The following MTPAP variants were observed in gnomAD, a reference collection of about 807,000 sequenced individuals.
MTPAP encodes the protein poly(A) RNA polymerase, mitochondrial.
Under a neutral mutation model 48.7 loss-of-function variants are expected in MTPAP, and 23 were observed. The observed-to-expected ratio is 0.47, with a 90% CI of 0.34 to 0.67. The LOEUF (loss-of-function observed/expected upper bound fraction) is 0.67. MTPAP is among the 30% of genes least tolerant of loss of function. The pLI is 0.01. For synonymous variants in MTPAP, 257 were observed against 254.1 expected (o/e 1.01, Z -0.11); for missense variants, 614 against 694.3 (o/e 0.88, Z 1.30).
intron 4 of MTPAP, among the ~76,000 whole-genome samples, chr10:30,327,231 T>C (rs112239525): frequency 0.079 from 12,055 of 151,724 alleles, 1,578 homozygotes; most frequent in African/African-American, 0.27. Context: ...CTCACGTCTG[T>C]AATCCTAGCA....
chr10:30,319,059 G>C (rs1588712480), intron 6 of MTPAP, among the ~76,000 whole-genome samples: 1 of 148,016 alleles, frequency 6.8e-6, no homozygotes, highest in East Asian at 1.9e-4. Context: ...AAAAAAGCGG[G>C]GTGGCTGGGA....
chr10:30,313,629 T>A lies in MTPAP; in HGVS notation c.1729A>T (p.Thr577Ser), dbSNP rs1331593058. 1 of 1,614,224 alleles carries A rather than the reference T, an allele frequency of 6.2e-7. No homozygotes were observed. Among genetic ancestry groups the A allele is most frequent in the East Asian group, 2.2e-5 (1 of 44,894 alleles). Residue 577 changes from threonine to serine, a missense_variant, in exon 9 of 9, where the codon ACA becomes TCA. Around this residue, in one of 5 missense-constraint regions of MTPAP, gnomAD observed 109 missense variants for 100.5 expected, o/e 1.08. Transcript: ENST00000263063. ...AGCCATCATGTCTGAGTACTAATTG[T>A]TCTCTTCCCACTGGTTTTTGTGAAA... is the stretch of plus-strand genomic sequence containing the variant. ...ENFTKTSGKR[T>S]ISTQT
Position 30,349,066 on chromosome 10 carries a change from C to G in MTPAP, c.157+53G>C, listed in dbSNP as rs10826783. On this transcript the variant is annotated intron_variant, in intron 1 of 8. Transcript: ENST00000263063. ...CAGGCCACGTGTTTCCCCGTGATCC[C>G]AGACTCCTCGCCCGCTGTGGGACGG... 815,539 of 1,612,258 alleles carry G rather than the reference C, an allele frequency of 0.51. 218,245 individuals are homozygous for G. The highest frequency in any genetic ancestry group is 0.56 in the Admixed American group (33,569 of 59,928).
chr10:30,309,822 T>C lies in MTPAP; in HGVS notation c.*3787A>G, dbSNP rs1287129012. ...AAAGTCTTATTTCAACTCAACTTTA[T>C]TTTCCCTTCTCCTTTATGGTAACTG... On this transcript the variant is annotated 3_prime_UTR_variant, in exon 9 of 9. Coordinates refer to ENST00000263063, the MANE Select transcript of MTPAP (RefSeq NM_018109.4). The C allele has an allele frequency of 6.6e-6, 1 of 152,262 alleles. No homozygotes were observed. The highest frequency in any genetic ancestry group is 1.5e-5 in the Non-Finnish European group (1 of 68,048). 9.4% of individuals were successfully genotyped at this position (152,262 alleles called of 1,614,324 possible).
chr10:30,316,682 G>C (rs1287126077), intron 6 of MTPAP, among the ~76,000 whole-genome samples: 1 of 150,196 alleles, frequency 6.7e-6, no homozygotes, highest in African/African-American at 2.4e-5. Flanking sequence ...CTGAGGTCAG[G>C]AGTTCGAGAC....
At chr10:30,325,372 G>A (rs1253282452) in intron 5 of MTPAP, among the ~76,000 whole-genome samples, 1 of 152,156 alleles carries the variant, frequency 6.6e-6, no homozygotes, top group African/African-American at 2.4e-5. Context: ...TTTCAGTAAT[G>A]ATTATTTAGC....
Position 30,333,922 on chromosome 10 carries a change from T to A in MTPAP, c.780+2881A>T, listed in dbSNP as rs35087674. On this transcript the variant is annotated intron_variant, in intron 4 of 8. Coordinates refer to ENST00000263063, the MANE Select transcript of MTPAP (RefSeq NM_018109.4). ...ATCTCAAAATAGTAATAATAATAAT[T>A]ATTATTATAATAAAACTGACCCATT... Among the ~76,000 whole-genome samples, 788 of 152,020 alleles carry A rather than the reference T, an allele frequency of 5.2e-3. 5 individuals carry two copies. The highest frequency in any genetic ancestry group is 6.6e-3 in the Non-Finnish European group (450 of 67,978).
chr10:30,317,946 G>A (rs139345581), intron 6 of MTPAP, among the ~76,000 whole-genome samples: 1,665 of 152,008 alleles, frequency 0.011, 25 homozygotes, highest in African/African-American at 0.037. Context: ...CAACTTCCGC[G>A]TCCCGGCTTC....
chr10:30,326,087 C>CT (rs1357458205), intron 5 of MTPAP, among the ~76,000 whole-genome samples: 1 of 151,828 alleles, frequency 6.6e-6, no homozygotes, highest in Admixed American at 6.6e-5. Context: ...TTACTTTTTT[C>CT]TTTTTTTGCC....
chr10:30,322,033 T>G (rs1840732133), intron 6 of MTPAP, among the ~76,000 whole-genome samples: 1 of 152,232 alleles, frequency 6.6e-6, no homozygotes, highest in South Asian at 2.1e-4. Context: ...AGTCTAAACA[T>G]AAGTTCAGAT....
intron 1 of MTPAP, among the ~76,000 whole-genome samples, chr10:30,343,928 A>T (rs1335884295): frequency 6.6e-6 from 1 of 152,112 alleles, no homozygotes; most frequent in Admixed American, 6.5e-5. Flanking sequence ...ATTCTTTAAC[A>T]TCAATCTCTT....
chr10:30,340,763 AC>A (rs1834794464), intron 2 of MTPAP, among the ~76,000 whole-genome samples: 1 of 152,120 alleles, frequency 6.6e-6, no homozygotes, highest in Non-Finnish European at 1.5e-5. Flanking sequence ...TACTAAAAAT[AC>A]AAAAATTAGC....
rs192578034 is a variant in MTPAP, at chr10:30,324,729, C to T, written c.992+1695G>A. On this transcript the variant is annotated intron_variant, in intron 5 of 8. Coordinates refer to ENST00000263063, the MANE Select transcript of MTPAP (RefSeq NM_018109.4). ...AAAGAATAGAAGAAACAAGGCCAGG[C>T]GTGGCGGCTCACACCTGTAATCCAG... Among the ~76,000 whole-genome samples, 535 of 152,200 alleles carry T rather than the reference C, an allele frequency of 3.5e-3. 3 individuals carry two copies. Among genetic ancestry groups the T allele is most frequent in the African/African-American group, 0.012 (501 of 41,532 alleles).
At chr10:30,316,331 C>A in intron 6 of MTPAP, 121 bp from the exon 7 acceptor site, 1 of 770,684 alleles carries the variant, frequency 1.3e-6, no homozygotes, top group Non-Finnish European at 2.2e-6. Flanking sequence ...CAGCCTCCAC[C>A]TCCCAGGTTC....
intron 8 of MTPAP, among the ~76,000 whole-genome samples, chr10:30,314,903 AAAGAAG>A (rs1410390547): frequency 2.7e-4 from 35 of 128,852 alleles, no homozygotes; most frequent in African/African-American, 1.2e-3. Flanking sequence ...AAAAAAAAAA[AAAGAAG>A]AGAAAAGAAA....
chr10:30,331,597 T>C (rs551190069), intron 4 of MTPAP, among the ~76,000 whole-genome samples: 8 of 152,344 alleles, frequency 5.3e-5, no homozygotes, highest in African/African-American at 1.9e-4. Flanking sequence ...TTTTTAGTCT[T>C]GCTCTGTCGC....
chr10:30,316,533 G>A (rs1389972564), intron 6 of MTPAP, among the ~76,000 whole-genome samples: 2 of 148,552 alleles, frequency 1.3e-5, no homozygotes, highest in Admixed American at 6.8e-5. Context: ...GTGAGCCACC[G>A]CACCCAGCCT....
rs763391646 is a variant in MTPAP, at chr10:30,326,673, TA to T, written c.781-39del. 4.6e-5 allele frequency: 69 copies of T among 1,502,210 alleles called. No individual in the cohort carries two copies. In the African/African-American group the frequency reaches 7.5e-4, roughly 16 times the overall value. 93.1% of individuals were successfully genotyped at this position (1,502,210 alleles called of 1,614,324 possible). ...CACATTTCTAAATAGGAGCTTTTGGTAAAAAAAACAATTTTTTAATAAGCTT... is the reference window on the plus strand; with the variant it reads ...CACATTTCTAAATAGGAGCTTTTGGTAAAAAAACAATTTTTTAATAAGCTT... On this transcript the variant is annotated intron_variant, in intron 4 of 8. Transcript: ENST00000263063.
intron 6 of MTPAP, among the ~76,000 whole-genome samples, chr10:30,319,779 T>C (rs2132847668): frequency 6.6e-6 from 1 of 152,378 alleles, no homozygotes; most frequent in African/African-American, 2.4e-5. Flanking sequence ...AATTCGCACC[T>C]ACAATGTGCT....
Sources: gnomAD v4.1 joint callset for allele counts (sites outside exome capture counted in the v4.1 genomes callset) on GRCh38, gnomAD v4.1.1 for gene constraint, gnomAD v4.1.1 regional missense constraint, MANE v1.5 for transcripts, NCBI Gene and HGNC (gene_info 2026-07-23, HGNC 2026-07-21) for gene names.